Variants in MYO5A observed in about 807,000 individuals in gnomAD.
MYO5A encodes the protein myosin VA, also known as unconventional myosin-Va.
A neutral mutation model predicts 249.7 loss-of-function variants in MYO5A; 98 were observed. The observed-to-expected ratio is 0.39, with a 90% CI of 0.33 to 0.46. MYO5A has a LOEUF of 0.46. Among genes scored for constraint, MYO5A ranks in the 20% least tolerant of loss-of-function variants. The pLI is 0.98. For missense variants in MYO5A, 1,696 were observed against 2,308.8 expected (o/e 0.73, Z 5.44); for synonymous variants, 778 against 810.6 (o/e 0.96, Z 0.68).
intron 19 of MYO5A, among the ~76,000 whole-genome samples, chr15:52,375,670 T>C (rs1184643813): frequency 6.6e-6 from 1 of 152,226 alleles, no homozygotes; most frequent in Non-Finnish European, 1.5e-5. Context: ...ATTTATTATC[T>C]CATTTGAGCC....
At chr15:52,455,250 T>C (rs918773341) in intron 1 of MYO5A, among the ~76,000 whole-genome samples, 3 of 151,940 alleles carry the variant, frequency 2.0e-5, no homozygotes, top group Non-Finnish European at 4.4e-5. Context: ...CAACCTACCA[T>C]AATTGAATAA....
At chr15:52,447,956 G>A (rs1449771111) in intron 1 of MYO5A, among the ~76,000 whole-genome samples, 1 of 152,244 alleles carries the variant, frequency 6.6e-6, no homozygotes, top group Non-Finnish European at 1.5e-5. Context: ...TGCAGAGGCA[G>A]AGCCTTCATG....
At chr15:52,361,558 C>G (rs752619576) in intron 24 of MYO5A, among the ~76,000 whole-genome samples, 1 of 152,098 alleles carries the variant, frequency 6.6e-6, no homozygotes, top group Non-Finnish European at 1.5e-5. Flanking sequence ...CTTCCACTAG[C>G]TGGTATTTTC....
chr15:52,343,235 G>C (rs2039462511), intron 30 of MYO5A, 38 bp from the exon 31 acceptor site: 1 of 1,527,166 alleles, frequency 6.5e-7, no homozygotes. Context: ...AAACACAAAA[G>C]GATACAGGAT....
Position 52,372,162 on chromosome 15 carries a change from T to G in MYO5A, c.2779A>C (p.Asn927His). 1.2e-6 allele frequency: 2 copies of G among 1,613,738 alleles called. No homozygotes were observed. The highest frequency in any genetic ancestry group is 1.7e-6 in the Non-Finnish European group (2 of 1,180,016). ...TTGCGCTGCAGCTGCATGATCTTGT[T>G]CTCCATGCCGATGTGCAGCTTCTTA... ...RYKKLHIGME[N>H]KIMQLQRKVD... Residue 927 changes from asparagine to histidine, a missense_variant, in exon 21 of 42, where the codon AAC becomes CAC. Physicochemically the swap from Asn to His is moderately conservative, Grantham distance 68. This residue lies in a region of MYO5A where 412 missense variants were observed against 453.3 expected (regional missense o/e 0.91). Transcript: ENST00000399233.
intron 1 of MYO5A, among the ~76,000 whole-genome samples, chr15:52,501,265 C>A (rs542173296): frequency 6.6e-6 from 1 of 152,272 alleles, no homozygotes; most frequent in South Asian, 2.1e-4. Context: ...GCCACCGCGC[C>A]CAGCCAGAAA....
In MYO5A at chr15:52,351,420, G is replaced by A; in HGVS notation, c.3683C>T (p.Ala1228Val). The stretch of plus-strand genomic sequence containing the variant: ...CTCTGGGGCACTTTTCTCACTGAGG[G>A]CCTTGCGCAACTCATTTAGCTCATT... ...LKNELNELRK[A>V]LSEKSAPEVT... is the part of the protein sequence containing the mutation. Residue 1228 changes from alanine (A) to valine (V), a missense_variant, in exon 28 of 42, where the codon GCC (alanine) becomes GTC (valine). By Grantham distance (64) the Ala-to-Val change is moderately conservative (BLOSUM62 0). Around this residue, in one of 5 missense-constraint regions of MYO5A, gnomAD observed 625 missense variants for 908.1 expected, o/e 0.69. Coordinates refer to ENST00000399233, the MANE Select transcript of MYO5A (RefSeq NM_001382347.1). The A allele has an allele frequency of 1.2e-6, 2 of 1,614,154 alleles. No individual in the cohort carries two copies. Among genetic ancestry groups the A allele is most frequent in the Non-Finnish European group, 1.7e-6 (2 of 1,180,036 alleles).
rs367619728 is a variant in MYO5A, at chr15:52,363,594, A to G, written c.3309+960T>C. On this transcript the variant is annotated intron_variant, in intron 24 of 41. Transcript: ENST00000399233. ...AACTTTGTCAGTAGGTCCAGATAGAAGCAAAATTTGAAGAAAATACTCTGC... is the reference window on the plus strand; with the variant it reads ...AACTTTGTCAGTAGGTCCAGATAGAGGCAAAATTTGAAGAAAATACTCTGC... Among the ~76,000 whole-genome samples the G allele has an allele frequency of 2.0e-4, 31 of 152,328 alleles. No individual in the cohort carries two copies. In the South Asian group the frequency reaches 2.5e-3, roughly 12 times the overall value.
intron 1 of MYO5A, among the ~76,000 whole-genome samples, chr15:52,504,628 G>C (rs916761273): frequency 2.6e-5 from 4 of 152,130 alleles, no homozygotes; most frequent in African/African-American, 9.7e-5. Flanking sequence ...AACGCTGGGC[G>C]AGGTGGCTCA....
At chr15:52,335,638 T>C (rs1161104846) in intron 34 of MYO5A, among the ~76,000 whole-genome samples, 1 of 151,962 alleles carries the variant, frequency 6.6e-6, no homozygotes, top group Non-Finnish European at 1.5e-5. Flanking sequence ...ATAAGATCCA[T>C]TTGTATATAA....
rs771261773 is a variant in MYO5A at position 52,405,400 on chromosome 15, C to A, written c.947-7G>T. The A allele has an allele frequency of 6.3e-7, 1 of 1,575,688 alleles. No individual in the cohort carries two copies. Among genetic ancestry groups the A allele is most frequent in the Non-Finnish European group, 8.7e-7 (1 of 1,145,450 alleles). On this transcript the variant is annotated splice_polypyrimidine_tract_variant and splice_region_variant and intron_variant, in intron 8 of 41. Transcript: ENST00000399233. ...TGATGAGATTCACTAATTCCTGAAA[C>A]AAGAGAGTGAATGAACAAGTGATTA... is the stretch of plus-strand genomic sequence containing the variant.
chr15:52,450,129 T>C (rs1318901465), intron 1 of MYO5A, among the ~76,000 whole-genome samples: 1 of 151,674 alleles, frequency 6.6e-6, no homozygotes, highest in Non-Finnish European at 1.5e-5. Flanking sequence ...AGACCAGCCT[T>C]GGCAACATAA....
Position 52,319,384 on chromosome 15 carries a change from G to A in MYO5A, c.4952-42C>T, listed in dbSNP as rs753824567. Reference sequence around the variant, plus strand: ...ATTGTTAGAGGAGATGATGTGGAAGGGAACCTTTCATGTGCACATATCCAT... The same window carrying A: ...ATTGTTAGAGGAGATGATGTGGAAGAGAACCTTTCATGTGCACATATCCAT... On this transcript the variant is annotated intron_variant, in intron 38 of 41. Coordinates refer to ENST00000399233, the MANE Select transcript of MYO5A (RefSeq NM_001382347.1). 2.0e-5 allele frequency: 32 copies of A among 1,596,480 alleles called. No individual in the cohort carries two copies. The African/African-American group carries it at 3.2e-4, about 16-fold the overall frequency.
Position 52,312,186 on chromosome 15 carries a change from G to T in MYO5A, c.*1510C>A, listed in dbSNP as rs2037797541. 6.6e-6 allele frequency: 1 copy of T among 152,116 alleles called. No individual in the cohort carries two copies. The highest frequency in any genetic ancestry group is 2.1e-4 in the South Asian group (1 of 4,836). The allele number at this position is 152,116 out of a possible 1,614,324, so 9.4% of individuals were successfully genotyped here. A position where few individuals can be genotyped will look rare whatever the true frequency, so the allele number is the denominator to read the frequency against. On this transcript the variant is annotated 3_prime_UTR_variant, in exon 42 of 42. Transcript: ENST00000399233. ...TATTTCTTATATAAGTCTTCTTAAA[G>T]TATTTCTAATATGATGCTTTTAAAA...
intron 1 of MYO5A, among the ~76,000 whole-genome samples, chr15:52,455,134 A>T (rs2076093518): frequency 6.6e-6 from 1 of 152,038 alleles, no homozygotes; most frequent in South Asian, 2.1e-4. Flanking sequence ...AAGGAGACAT[A>T]ACAACTGAGA....
rs531554483 is a variant in MYO5A at position 52,476,905 on chromosome 15, T to C, written c.28-43620A>G. The stretch of plus-strand genomic sequence containing the variant: ...TTCTTCTCAAGGAGTATCTTTGTGG[T>C]GTTCTCTGTATTTCCTGAATTTGAA... On this transcript the variant is annotated intron_variant, in intron 1 of 41. Coordinates refer to ENST00000399233, the MANE Select transcript of MYO5A (RefSeq NM_001382347.1). Among the ~76,000 whole-genome samples, 20 of 152,318 alleles carry C rather than the reference T, an allele frequency of 1.3e-4. No homozygotes were observed. The South Asian group carries it at 3.7e-3, about 28-fold the overall frequency.
intron 1 of MYO5A, among the ~76,000 whole-genome samples, chr15:52,520,387 TG>T (rs571911730): frequency 1.5e-3 from 222 of 152,276 alleles, no homozygotes; most frequent in African/African-American, 5.1e-3. Flanking sequence ...AGAAGGCACA[TG>T]ACCAGAATTC....
At chr15:52,449,484 A>G (rs2075969047) in intron 1 of MYO5A, among the ~76,000 whole-genome samples, 1 of 152,052 alleles carries the variant, frequency 6.6e-6, no homozygotes, top group South Asian at 2.1e-4. Context: ...CATCACCCAT[A>G]TAATACCTAT....
chr15:52,364,425 T>A (rs1045909365), intron 24 of MYO5A, 129 bp downstream of exon 24: 3 of 796,728 alleles, frequency 3.8e-6, no homozygotes, highest in African/African-American at 1.8e-5. Context: ...GGGAGGTGAA[T>A]ATGTGTTGAA....
Sources: allele counts gnomAD v4.1 joint callset (sites outside exome capture counted in the v4.1 genomes callset), GRCh38; gene constraint gnomAD v4.1.1; regional missense constraint gnomAD v4.1.1; transcripts MANE v1.5; gene names NCBI Gene and HGNC (gene_info 2026-07-23, HGNC 2026-07-21).